Variants in GRIK5 observed in about 807,000 individuals in gnomAD.
GRIK5 encodes glutamate ionotropic receptor kainate type subunit 5.
GRIK5 carries 43 observed loss-of-function variants against 97.4 expected under a neutral mutation model. The ratio of observed to expected loss-of-function variants is 0.44; its 90% CI spans 0.35 to 0.57. The LOEUF (loss-of-function observed/expected upper bound fraction) is 0.57. GRIK5 is among the 20% of genes least tolerant of loss of function. The pLI is 0.01. For synonymous variants in GRIK5, 580 were observed against 583.5 expected, an observed-to-expected ratio of 0.99 and a Z score of 0.09; for missense variants, 1,015 against 1,382.0, an observed-to-expected ratio of 0.73 and a Z score of 4.21.
At chr19:42,005,600 C>T in intron 17 of GRIK5, 123 bp downstream of exon 17, 1 of 677,618 alleles carries the variant, frequency 1.5e-6, no homozygotes, top group Non-Finnish European at 2.7e-6. Flanking sequence ...GACCATACAG[C>T]CAGGAGGCCA....
At chr19:42,044,052 C>G (rs1330610497) in intron 11 of GRIK5, among the ~76,000 whole-genome samples, 1 of 152,168 alleles carries the variant, frequency 6.6e-6, no homozygotes, top group African/African-American at 2.4e-5. Flanking sequence ...GGGGCGGTTT[C>G]CCCCATGCTC....
chr19:42,030,896 C>T (rs2075833713), intron 12 of GRIK5, among the ~76,000 whole-genome samples: 1 of 152,144 alleles, frequency 6.6e-6, no homozygotes, highest in Non-Finnish European at 1.5e-5. Context: ...ATACTGTTGT[C>T]AATGTAGGGG....
intron 12 of GRIK5, among the ~76,000 whole-genome samples, chr19:42,034,251 C>A (rs2075874894): frequency 6.6e-6 from 1 of 152,090 alleles, no homozygotes; most frequent in South Asian, 2.1e-4. Flanking sequence ...ATCCCAGCTA[C>A]TGGGAAAGCT....
intron 1 of GRIK5, chr19:42,068,919 A>C (rs2146199792): frequency 1.5e-6 from 1 of 669,814 alleles, no homozygotes; most frequent in African/African-American, 1.8e-5. Flanking sequence ...ACCAGGACGG[A>C]GGCTTGGAGA....
At position 42,048,253 on chromosome 19, in the gene GRIK5, G is replaced by A. The variant is rs190527370; in HGVS notation, c.1269+5349C>T. On this transcript the variant is annotated intron_variant, in intron 11 of 19. Transcript: ENST00000593562. ...AAAATATACTACTGAGAATGAAAAGGTAAGCCACAAAGGGGGACAGGACAT... is the reference window on the plus strand; with the variant it reads ...AAAATATACTACTGAGAATGAAAAGATAAGCCACAAAGGGGGACAGGACAT... Among the ~76,000 whole-genome samples the A allele has an allele frequency of 3.9e-4, 60 of 152,246 alleles. 1 individual carries two copies. Among genetic ancestry groups the A allele is most frequent in the Admixed American group, 1.4e-3 (21 of 15,292 alleles).
intron 11 of GRIK5, among the ~76,000 whole-genome samples, chr19:42,052,761 C>G (rs1018457884): frequency 6.6e-6 from 1 of 152,180 alleles, no homozygotes; most frequent in African/African-American, 2.4e-5. Flanking sequence ...CTCGCCAGGC[C>G]CTGTGGATCA....
In GRIK5 at chr19:41,999,173, G is replaced by A; in HGVS notation, c.2641C>T (p.Arg881Cys). Reference protein sequence around the residue: ...SRALLSLRAVREMRLSNGKLY... With the variant: ...SRALLSLRAVCEMRLSNGKLY... The stretch of plus-strand genomic sequence containing the variant: ...TTGCCGTTGCTGAGGCGCATCTCGC[G>A]GACCGCGCGCAGTGACAGCAGGGCC... The change falls in exon 20 of 20, where the codon CGC (arginine) becomes TGC (cysteine). Residue 881 changes from arginine to cysteine, a missense_variant. Arg to Cys is a radical substitution (Grantham distance 180, BLOSUM62 -3). This residue lies in a region of GRIK5 where 229 missense variants were observed against 341.0 expected (regional missense o/e 0.67). Transcript: ENST00000593562. The surrounding 1 kb of genome is among the most constrained non-coding windows in gnomAD (Gnocchi z 5.0). The A allele has an allele frequency of 2.0e-6, 3 of 1,507,034 alleles. No individual in the cohort carries two copies. Among genetic ancestry groups the A allele is most frequent in the South Asian group, 1.2e-5 (1 of 81,526 alleles). 93.4% of individuals were successfully genotyped at this position (1,507,034 alleles called of 1,614,324 possible). A position where few individuals can be genotyped will look rare whatever the true frequency, so the allele number is the denominator to read the frequency against.
chr19:42,019,118 G>A (rs573061332), intron 15 of GRIK5, among the ~76,000 whole-genome samples: 1 of 152,128 alleles, frequency 6.6e-6, no homozygotes, highest in African/African-American at 2.4e-5. Context: ...TGACTCTCAG[G>A]AAGAGGGCCC....
chr19:42,046,588 A>G (rs192242094), intron 11 of GRIK5, among the ~76,000 whole-genome samples: 1 of 152,354 alleles, frequency 6.6e-6, no homozygotes, highest in East Asian at 1.9e-4. Flanking sequence ...GCCAAGTTAA[A>G]AAGATTATCG....
At position 42,056,688 on chromosome 19, in the gene GRIK5, C is replaced by A. The variant is rs2076190328; in HGVS notation, c.877G>T (p.Glu293Ter). 6.2e-7 allele frequency: 1 copy of A among 1,613,906 alleles called. No individual in the cohort carries two copies. The highest frequency in any genetic ancestry group is 1.1e-5 in the South Asian group (1 of 91,074). ...SLNMSWRENC[E>*]ASTYLGPALS... is the part of the protein sequence containing the mutation. The stretch of plus-strand genomic sequence containing the variant: ...GCAGGGCCCAGGTAGGTGCTGGCTT[C>A]ACAGTTCTCCCTCCAGGACATGTTG... Residue 293 changes from glutamate (E) to a stop codon, truncating the protein, a stop_gained, in exon 8 of 20, where the codon GAA (glutamate) becomes TAA (stop). Coordinates refer to ENST00000593562, the MANE Select transcript of GRIK5 (RefSeq NM_002088.5). LOFTEE classifies it high-confidence loss of function.
Position 41,999,213 on chromosome 19 carries a change from C to CGGGCGT in GRIK5, c.2595_2600dup (p.Arg866_Pro867dup), listed in dbSNP as rs1555870357. On this transcript the variant is annotated inframe_insertion, in exon 20 of 20. Coordinates refer to ENST00000593562, the MANE Select transcript of GRIK5 (RefSeq NM_002088.5). This position sits in a 1 kb window ranked among gnomAD's most constrained non-coding sequence, Gnocchi z 5.0. ...ACAGCAGGGCCCGGCTCGGGCCGCC[C>CGGGCGT]GGGCGTCGGCGCCGGCGGGAACGCG... 6.6e-7 allele frequency: 1 copy of CGGGCGT among 1,518,910 alleles called. No homozygotes were observed. Among genetic ancestry groups the CGGGCGT allele is most frequent in the Non-Finnish European group, 8.8e-7 (1 of 1,140,428 alleles). 94.1% of individuals were successfully genotyped at this position (1,518,910 alleles called of 1,614,324 possible). A position where few individuals can be genotyped will look rare whatever the true frequency, so the allele number is the denominator to read the frequency against.
In GRIK5 at chr19:42,010,545, G is replaced by A. The variant is rs117260305; in HGVS notation, c.1872-3735C>T. Among the ~76,000 whole-genome samples, 53 of 152,284 alleles carry A rather than the reference G, an allele frequency of 3.5e-4. No homozygotes were observed. The East Asian group carries it at 8.9e-3, about 25-fold the overall frequency. On this transcript the variant is annotated intron_variant, in intron 15 of 19. Transcript: ENST00000593562. The stretch of plus-strand genomic sequence containing the variant: ...GCTGAAAGAAAAATCAAAACAAACT[G>A]TCAACCTAGAATTCCACAGCAGGCA...
At chr19:42,047,115 T>C (rs1568917326) in intron 11 of GRIK5, among the ~76,000 whole-genome samples, 2 of 151,946 alleles carry the variant, frequency 1.3e-5, no homozygotes, top group African/African-American at 2.4e-5. Flanking sequence ...CTCGAACTCC[T>C]GAGCTCAAGT....
chr19:42,068,560 C>G, intron 1 of GRIK5: 2 of 402,432 alleles, frequency 5.0e-6, no homozygotes, highest in Non-Finnish European at 8.8e-6. Context: ...GGGAAGACAG[C>G]CTCCAAGCTC....
Position 42,013,091 on chromosome 19 carries a change from T to A in GRIK5, c.1872-6281A>T, listed in dbSNP as rs539163447. Reference sequence around the variant, plus strand: ...TACTTAGGGCCAGAGCAGTGGCTCATGCCTGTAATCGCGGCACTTTGGGAG... The same window carrying A: ...TACTTAGGGCCAGAGCAGTGGCTCAAGCCTGTAATCGCGGCACTTTGGGAG... On this transcript the variant is annotated intron_variant, in intron 15 of 19. Coordinates refer to ENST00000593562, the MANE Select transcript of GRIK5 (RefSeq NM_002088.5). Among the ~76,000 whole-genome samples, 342 of 151,318 alleles carry A rather than the reference T, an allele frequency of 2.3e-3. 3 individuals are homozygous for A. The highest frequency in any genetic ancestry group is 2.2e-3 in the Non-Finnish European group (149 of 67,846).
At chr19:42,054,538 C>A in intron 8 of GRIK5, 66 bp from the exon 9 acceptor site, 2 of 1,563,466 alleles carry the variant, frequency 1.3e-6, no homozygotes, top group South Asian at 1.1e-5. Context: ...GCCCCAAAGG[C>A]CCCTGAGCTG....
At chr19:42,068,693 G>A (rs1393447329) in intron 1 of GRIK5, 3 of 446,780 alleles carry the variant, frequency 6.7e-6, no homozygotes, top group South Asian at 9.5e-5. Context: ...CTGACAGAGA[G>A]AGGGATCTAA....
At chr19:42,053,994 C>A in intron 9 of GRIK5, 65 bp from the exon 10 acceptor site, 1 of 1,092,656 alleles carries the variant, frequency 9.2e-7, no homozygotes, top group Non-Finnish European at 1.4e-6. Flanking sequence ...AGGGAAGGCC[C>A]AACGTGGTGA....
chr19:42,054,236 G>T, intron 9 of GRIK5, 84 bp downstream of exon 9: 1 of 1,439,026 alleles, frequency 6.9e-7, no homozygotes, highest in Non-Finnish European at 9.5e-7. Flanking sequence ...AGGGAGGGCA[G>T]AGGGCCACAG....
Sources: gnomAD v4.1 joint callset for allele counts (sites outside exome capture counted in the v4.1 genomes callset) on GRCh38, gnomAD v4.1.1 for gene constraint, gnomAD v4.1.1 regional missense constraint, Gnocchi (gnomAD v3.1) non-coding constraint, MANE v1.5 for transcripts, NCBI Gene and HGNC (gene_info 2026-07-23, HGNC 2026-07-21) for gene names.